TENM2: variants seen among roughly 807,000 people sequenced by gnomAD.
The protein encoded by TENM2 is teneurin-2.
A neutral mutation model predicts 245.2 loss-of-function variants in TENM2; 52 were observed. That is an observed-to-expected ratio of 0.21 (90% CI 0.17 to 0.27). The LOEUF is 0.27. TENM2 is among the 10% of genes least tolerant of loss of function. The pLI is 1.00. For missense variants in TENM2, 3,046 were observed against 3,666.8 expected (o/e 0.83, Z 4.37); for synonymous variants, 1,363 against 1,438.9 (o/e 0.95, Z 1.19).
intron 2 of TENM2, among the ~76,000 whole-genome samples, chr5:167,801,095 GAAAAAAAAAAA>G (rs1176405769): frequency 2.0e-5 from 1 of 50,714 alleles, no homozygotes; most frequent in Non-Finnish European, 3.7e-5. Flanking sequence ...TATTTGAAAA[GAAAAAAAAAAA>G]AAAATATATA....
At chr5:168,198,555 T>C (rs1384286941) in intron 15 of TENM2, among the ~76,000 whole-genome samples, 8 of 152,268 alleles carry the variant, frequency 5.3e-5, no homozygotes, top group Middle Eastern at 3.4e-3. Flanking sequence ...GGTCATAGTT[T>C]GTTGAGCTCT....
At chr5:167,382,687 A>G (rs1188684266) in intron 2 of TENM2, among the ~76,000 whole-genome samples, 1 of 152,200 alleles carries the variant, frequency 6.6e-6, no homozygotes, top group Non-Finnish European at 1.5e-5. Context: ...AATAAAAAAG[A>G]TAAACACCAT....
At chr5:168,201,540 C>T (rs1242208869) in intron 17 of TENM2, among the ~76,000 whole-genome samples, 1 of 152,040 alleles carries the variant, frequency 6.6e-6, no homozygotes, top group African/African-American at 2.4e-5. Flanking sequence ...GACGTCACAT[C>T]ATTTCACCTG....
At chr5:167,635,706 G>A (rs187828010) in intron 2 of TENM2, among the ~76,000 whole-genome samples, 78 of 141,532 alleles carry the variant, frequency 5.5e-4, no homozygotes, top group Admixed American at 4.6e-3. Flanking sequence ...GTGCAATGGC[G>A]CTATCTCGGC....
intron 2 of TENM2, among the ~76,000 whole-genome samples, chr5:167,397,982 A>G (rs1471539723): frequency 2.6e-5 from 4 of 152,148 alleles, no homozygotes; most frequent in Non-Finnish European, 4.4e-5. Flanking sequence ...TATGAGAACT[A>G]TATATACTCC....
At chr5:168,200,557 G>A (rs574154068) in intron 17 of TENM2, among the ~76,000 whole-genome samples, 1 of 152,174 alleles carries the variant, frequency 6.6e-6, no homozygotes, top group African/African-American at 2.4e-5. Context: ...AGTGTAGCTG[G>A]AGTGTAGTGG....
At chr5:168,076,219 TTTTATTTTATTTTATTTTA>T (rs1360506083) in intron 7 of TENM2, among the ~76,000 whole-genome samples, 1 of 76,296 alleles carries the variant, frequency 1.3e-5, no homozygotes, top group Non-Finnish European at 2.7e-5. Context: ...TTTTATTTTA[TTTTATTTTATTTTATTTTA>T]TTTTTGAGAC....
chr5:167,445,311 TTATATATATATA>T (rs755614167), intron 2 of TENM2, among the ~76,000 whole-genome samples: 10 of 69,978 alleles, frequency 1.4e-4, no homozygotes, highest in East Asian at 6.6e-4. Context: ...AACCATATGA[TTATATATATATA>T]TATATATATA....
At chr5:168,007,061 A>G (rs573962861) in intron 5 of TENM2, among the ~76,000 whole-genome samples, 19 of 151,932 alleles carry the variant, frequency 1.3e-4, no homozygotes, top group Non-Finnish European at 2.2e-4. Flanking sequence ...AAGCTCACTC[A>G]GCTATCTGAG....
At chr5:167,985,745 CT>C (rs1398987672) in intron 4 of TENM2, among the ~76,000 whole-genome samples, 1 of 152,180 alleles carries the variant, frequency 6.6e-6, no homozygotes, top group African/African-American at 2.4e-5. Flanking sequence ...GGGGATCCCC[CT>C]GGTTGCAAGC....
chr5:168,252,365 C>CA (rs35385737), intron 27 of TENM2, among the ~76,000 whole-genome samples: 5,197 of 115,242 alleles, frequency 0.045, 150 homozygotes, highest in Middle Eastern at 0.086. Flanking sequence ...GACCCTGTCT[C>CA]AAAAAAAAAA....
At position 167,852,020 on chromosome 5, in the gene TENM2, T is replaced by C. The variant is rs917848634; in HGVS notation, c.503-23966T>C. Reference sequence around the variant, plus strand: ...CTTAATTCTCTCCCACATTATCATATCTTTGATAAACTCAATAGAGAACCA... The same window carrying C: ...CTTAATTCTCTCCCACATTATCATACCTTTGATAAACTCAATAGAGAACCA... On this transcript the variant is annotated intron_variant, in intron 2 of 28. Transcript: ENST00000518659. 6.6e-5 allele frequency among the ~76,000 whole-genome samples: 10 copies of C among 152,362 alleles called. No homozygotes were observed. The East Asian group carries it at 1.9e-3, about 29-fold the overall frequency.
the TENM2 span, among the ~76,000 whole-genome samples, chr5:167,172,254 A>G: frequency 9.9e-5 from 15 of 152,206 alleles, no homozygotes; most frequent in African/African-American, 3.4e-4. Flanking sequence ...GAAAAGGGTG[A>G]TCTTTTCTTT....
intron 2 of TENM2, among the ~76,000 whole-genome samples, chr5:167,841,184 G>A (rs1245274846): frequency 6.6e-6 from 1 of 151,856 alleles, no homozygotes; most frequent in Non-Finnish European, 1.5e-5. Context: ...AATCTCCCAA[G>A]TAGCTGGGAT....
At chr5:167,928,941 A>G (rs994065986) in intron 3 of TENM2, among the ~76,000 whole-genome samples, 1 of 148,420 alleles carries the variant, frequency 6.7e-6, no homozygotes, top group Non-Finnish European at 1.5e-5. Flanking sequence ...AAAAAGAAAG[A>G]AAAAGAAAAG....
intron 2 of TENM2, among the ~76,000 whole-genome samples, chr5:167,787,116 T>C (rs1015379100): frequency 1.3e-5 from 2 of 152,188 alleles, no homozygotes; most frequent in African/African-American, 4.8e-5. Flanking sequence ...TGTTCAAGGT[T>C]CTAAACTGTG....
At chr5:167,193,143 T>C in the TENM2 span, among the ~76,000 whole-genome samples, 2 of 152,120 alleles carry the variant, frequency 1.3e-5, no homozygotes, top group Non-Finnish European at 2.9e-5. Flanking sequence ...GTTTAATATA[T>C]CTTGTTCACA....
chr5:167,479,798 A>G (rs762971853), intron 2 of TENM2, among the ~76,000 whole-genome samples: 1 of 152,218 alleles, frequency 6.6e-6, no homozygotes, highest in African/African-American at 2.4e-5. Flanking sequence ...CCGGAAGCAT[A>G]GTAAGATCAG....
the TENM2 span, among the ~76,000 whole-genome samples, chr5:167,170,809 G>A: frequency 6.6e-6 from 1 of 152,148 alleles, no homozygotes; most frequent in Non-Finnish European, 1.5e-5. Context: ...AGTGGCCTGA[G>A]CGCAGTTCTC....
Sources: allele counts gnomAD v4.1 joint callset (sites outside exome capture counted in the v4.1 genomes callset), GRCh38; gene constraint gnomAD v4.1.1; transcripts MANE v1.5; gene names NCBI Gene and HGNC (gene_info 2026-07-23, HGNC 2026-07-21).